THRB: variants seen among roughly 807,000 people sequenced by gnomAD.
THRB encodes the protein nuclear receptor subfamily 1 group A member 2.
A neutral mutation model predicts 47.8 loss-of-function variants in THRB; 12 were observed. The observed-to-expected ratio is 0.25, with a 90% confidence interval of 0.16 to 0.41. The LOEUF is 0.41. Among genes scored for constraint, THRB ranks in the 10% least tolerant of loss-of-function variants. The pLI, the probability that THRB is intolerant of heterozygous loss-of-function variation, is 1.00. For missense variants in THRB, 348 were observed against 589.2 expected, an observed-to-expected ratio of 0.59 and a Z score of 4.24; for synonymous variants, 218 against 212.2, an observed-to-expected ratio of 1.03 and a Z score of -0.24.
chr3:24,392,263 T>C (rs28683612), intron 1 of THRB, among the ~76,000 whole-genome samples: 1,537 of 152,248 alleles, frequency 0.01, 17 homozygotes, highest in African/African-American at 0.034. Flanking sequence ...TTTCTATTGA[T>C]GTTGATACAT....
At chr3:24,271,434 C>A (rs926841447) in intron 3 of THRB, among the ~76,000 whole-genome samples, 2 of 152,092 alleles carry the variant, frequency 1.3e-5, no homozygotes, top group Non-Finnish European at 2.9e-5. Context: ...GCTGTGGGAA[C>A]CAATGCTGTG....
Position 24,457,167 on chromosome 3 carries a change from C to G in THRB, c.-261+37485G>C, listed in dbSNP as rs547114994. Among the ~76,000 whole-genome samples the G allele has an allele frequency of 2.2e-4, 34 of 152,200 alleles. 1 individual carries two copies. In the South Asian group the frequency reaches 7.0e-3, roughly 32 times the overall value. On this transcript the variant is annotated intron_variant, in intron 1 of 10. Transcript: ENST00000646209. ...AGATTTCTATTTTTTCTTCTTAAAA[C>G]AAGACAATATAGTCACCCTAACTAA...
At chr3:24,230,185 C>T (rs1272999787) in intron 3 of THRB, among the ~76,000 whole-genome samples, 2 of 152,224 alleles carry the variant, frequency 1.3e-5, no homozygotes, top group African/African-American at 4.8e-5. Flanking sequence ...TCTGTCTCCA[C>T]ATCTAATGCT....
intron 4 of THRB, among the ~76,000 whole-genome samples, chr3:24,191,368 TAATATA>T (rs1412975381): frequency 2.8e-5 from 4 of 143,302 alleles, no homozygotes; most frequent in Non-Finnish European, 5.9e-5. Context: ...AGAAAAAATA[TAATATA>T]AATATGTGAG....
At chr3:24,293,458 A>G (rs1262542420) in intron 3 of THRB, among the ~76,000 whole-genome samples, 1 of 152,194 alleles carries the variant, frequency 6.6e-6, no homozygotes, top group Admixed American at 6.6e-5. Context: ...ATACTATGTC[A>G]AACATGCAAA....
chr3:24,459,490 T>G (rs1011322797), intron 1 of THRB: 2 of 152,208 alleles, frequency 1.3e-5, no homozygotes, highest in East Asian at 3.9e-4. Context: ...GTAATGGGAT[T>G]GCTGGGTCAA....
intron 5 of THRB, among the ~76,000 whole-genome samples, chr3:24,168,998 G>A (rs1385912107): frequency 6.6e-6 from 1 of 152,060 alleles, no homozygotes; most frequent in African/African-American, 2.4e-5. Flanking sequence ...GAGCAGAAAT[G>A]TCTTAGGAAG....
chr3:24,454,858 C>G (rs1004136452), intron 1 of THRB, among the ~76,000 whole-genome samples: 1 of 152,094 alleles, frequency 6.6e-6, no homozygotes, highest in African/African-American at 2.4e-5. Context: ...ATCCTTTCCA[C>G]GATCACAAAG....
intron 1 of THRB, among the ~76,000 whole-genome samples, chr3:24,462,398 G>T (rs2073787039): frequency 6.6e-6 from 1 of 152,202 alleles, no homozygotes; most frequent in South Asian, 2.1e-4. Flanking sequence ...AGAAGAAGAT[G>T]AGTTTTTAAG....
At chr3:24,263,964 G>A (rs2052365996) in intron 3 of THRB, among the ~76,000 whole-genome samples, 2 of 152,106 alleles carry the variant, frequency 1.3e-5, no homozygotes, top group Admixed American at 1.3e-4. Flanking sequence ...AAAAAATGAT[G>A]TTTTTGCTCC....
At chr3:24,208,423 G>T (rs1214250764) in intron 4 of THRB, among the ~76,000 whole-genome samples, 1 of 152,182 alleles carries the variant, frequency 6.6e-6, no homozygotes, top group Non-Finnish European at 1.5e-5. Flanking sequence ...AAAGCTGGAG[G>T]CATCACGCTA....
At chr3:24,196,612 T>C (rs544762906) in intron 4 of THRB, among the ~76,000 whole-genome samples, 3 of 152,244 alleles carry the variant, frequency 2.0e-5, no homozygotes, top group Non-Finnish European at 4.4e-5. Context: ...AAAAAGAATT[T>C]CATAAATGAC....
chr3:24,425,309 T>C (rs1206407631), intron 1 of THRB, among the ~76,000 whole-genome samples: 1 of 151,938 alleles, frequency 6.6e-6, no homozygotes, highest in Non-Finnish European at 1.5e-5. Context: ...GTCAATTTAA[T>C]ACAAGGATGA....
At chr3:24,151,254 C>G (rs1478710455) in intron 6 of THRB, among the ~76,000 whole-genome samples, 1 of 152,100 alleles carries the variant, frequency 6.6e-6, no homozygotes, top group Non-Finnish European at 1.5e-5. Context: ...CGTACAAAAA[C>G]ATAGGGAATT....
chr3:24,225,987 C>A (rs898247026), intron 4 of THRB, among the ~76,000 whole-genome samples: 2 of 151,912 alleles, frequency 1.3e-5, no homozygotes, highest in African/African-American at 4.8e-5. Context: ...TAAGTAACCT[C>A]AAAAAATAAA....
chr3:24,213,343 G>A (rs1361089315), intron 4 of THRB, among the ~76,000 whole-genome samples: 4 of 152,150 alleles, frequency 2.6e-5, no homozygotes, highest in Non-Finnish European at 5.9e-5. Flanking sequence ...AGGAAGCAAA[G>A]CACATTCTTA....
At chr3:24,272,598 C>A (rs1408615001) in intron 3 of THRB, among the ~76,000 whole-genome samples, 1 of 152,274 alleles carries the variant, frequency 6.6e-6, no homozygotes, top group African/African-American at 2.4e-5. Flanking sequence ...TTTTCCCTGG[C>A]AAGGAATTTT....
At chr3:24,364,516 A>G (rs2064312839) in intron 1 of THRB, among the ~76,000 whole-genome samples, 1 of 152,172 alleles carries the variant, frequency 6.6e-6, no homozygotes, top group South Asian at 2.1e-4. Context: ...TGTCATCCCC[A>G]TTTTACAGAT....
chr3:24,299,972 A>C (rs2056818102), intron 2 of THRB, among the ~76,000 whole-genome samples: 1 of 151,952 alleles, frequency 6.6e-6, no homozygotes, highest in Non-Finnish European at 1.5e-5. Context: ...CTCAATTCCT[A>C]GACTAAATGG....
Sources: allele counts gnomAD v4.1 joint callset (sites outside exome capture counted in the v4.1 genomes callset), GRCh38; gene constraint gnomAD v4.1.1; transcripts MANE v1.5; gene names NCBI Gene and HGNC (gene_info 2026-07-23, HGNC 2026-07-21).